The following DNAJC8 variants were observed in gnomAD, a reference collection of about 807,000 sequenced individuals.
The protein encoded by DNAJC8 is DnaJ heat shock protein family (Hsp40) member C8, also known as dnaJ homolog subfamily C member 8.
In DNAJC8, 24 loss-of-function variants were observed where a neutral mutation model predicts 43.2. The observed-to-expected ratio is 0.56, with a 90% confidence interval of 0.40 to 0.78. The LOEUF is 0.78. Among genes scored for constraint, DNAJC8 ranks in the 30% least tolerant of loss-of-function variants. The pLI, the probability that DNAJC8 is intolerant of heterozygous loss-of-function variation, is 0.00. For missense variants in DNAJC8, 207 were observed against 299.4 expected (o/e 0.69, Z 2.28); for synonymous variants, 83 against 98.0 (o/e 0.85, Z 0.90).
Position 28,200,988 on chromosome 1 carries a change from G to A in DNAJC8, c.*260C>T. 1 of 483,876 alleles carries A rather than the reference G, an allele frequency of 2.1e-6. No individual in the cohort carries two copies. Among genetic ancestry groups the A allele is most frequent in the Admixed American group, 3.4e-5 (1 of 29,424 alleles). 30.0% of individuals were successfully genotyped at this position (483,876 alleles called of 1,614,324 possible). ...CACTGAGTTACAGGCTGTGGGAAGA[G>A]AAGGCAGCACCAATGGTGGCACCTT... On this transcript the variant is annotated 3_prime_UTR_variant, in exon 9 of 9. Transcript: ENST00000263697.
chr1:28,215,764 A>T (rs1417673322), intron 2 of DNAJC8, among the ~76,000 whole-genome samples: 1 of 151,962 alleles, frequency 6.6e-6, no homozygotes, highest in Admixed American at 6.6e-5. Context: ...CTCAAACTCC[A>T]GACTTCAGGT....
At chr1:28,220,627 G>A (rs138336098) in intron 2 of DNAJC8, among the ~76,000 whole-genome samples, 77 of 152,296 alleles carry the variant, frequency 5.1e-4, no homozygotes, top group African/African-American at 1.8e-3. Context: ...TGAGGGCAGA[G>A]ACCTAATCAC....
chr1:28,215,524 T>C (rs189950220), intron 2 of DNAJC8, among the ~76,000 whole-genome samples: 1 of 151,582 alleles, frequency 6.6e-6, no homozygotes, highest in East Asian at 1.9e-4. Context: ...GTAGGGCCAA[T>C]AGGAGGAACA....
At chr1:28,212,766 A>G (rs1418061989) in intron 3 of DNAJC8, among the ~76,000 whole-genome samples, 1 of 152,220 alleles carries the variant, frequency 6.6e-6, no homozygotes, top group Admixed American at 6.5e-5. Flanking sequence ...TCCGTTCAGC[A>G]TTACTGGAAC....
At chr1:28,207,731 T>C (rs1646779495) in intron 6 of DNAJC8, among the ~76,000 whole-genome samples, 1 of 144,254 alleles carries the variant, frequency 6.9e-6, no homozygotes, top group Non-Finnish European at 1.5e-5. Flanking sequence ...CGTGAGCCAC[T>C]GCGCCCAGCC....
intron 6 of DNAJC8, among the ~76,000 whole-genome samples, chr1:28,207,909 T>A (rs904831071): frequency 2.0e-5 from 3 of 151,574 alleles, no homozygotes; most frequent in South Asian, 2.1e-4. Flanking sequence ...TACAAAAAAA[T>A]TAGCCAGAGG....
At chr1:28,227,117 T>C (rs1183190970) in intron 2 of DNAJC8, among the ~76,000 whole-genome samples, 7 of 142,904 alleles carry the variant, frequency 4.9e-5, no homozygotes, top group African/African-American at 1.8e-4. Context: ...TTTTTTTTTT[T>C]TTTTTTTTTG....
chr1:28,221,666 C>A (rs1425339566), intron 2 of DNAJC8, among the ~76,000 whole-genome samples: 2 of 152,118 alleles, frequency 1.3e-5, no homozygotes, highest in African/African-American at 4.8e-5. Flanking sequence ...TGGTACTATG[C>A]TCGATTTTAA....
chr1:28,212,178 T>A (rs1245441987), intron 3 of DNAJC8, among the ~76,000 whole-genome samples: 1,490 of 39,844 alleles, frequency 0.037, 102 homozygotes, highest in African/African-American at 0.13. Flanking sequence ...AATATATATA[T>A]ATATATATAT....
intron 2 of DNAJC8, among the ~76,000 whole-genome samples, chr1:28,224,059 G>A (rs1057315993): frequency 8.5e-5 from 13 of 152,168 alleles, no homozygotes; most frequent in Admixed American, 2.0e-4. Flanking sequence ...GAGCTAGATT[G>A]AAAGGTAACC....
intron 3 of DNAJC8, among the ~76,000 whole-genome samples, chr1:28,212,307 C>A (rs1279939556): frequency 8.1e-6 from 1 of 123,380 alleles, no homozygotes; most frequent in Non-Finnish European, 1.6e-5. Flanking sequence ...CAGAGTGTTG[C>A]TCTATCATCC....
chr1:28,229,701 G>A lies in DNAJC8; in HGVS notation c.79-678C>T, dbSNP rs557153948. On this transcript the variant is annotated intron_variant, in intron 1 of 8. Transcript: ENST00000263697. ...AGGCAGGAGAATCGCTTGAACCCCA[G>A]GGACAGAGGTTGCAGTGAGCCAAGA... Among the ~76,000 whole-genome samples the A allele has an allele frequency of 3.9e-5, 6 of 152,048 alleles. 1 individual carries two copies. Among genetic ancestry groups the A allele is most frequent in the African/African-American group, 1.4e-4 (6 of 41,458 alleles).
At chr1:28,207,142 C>T (rs1300362669) in intron 6 of DNAJC8, among the ~76,000 whole-genome samples, 1 of 151,790 alleles carries the variant, frequency 6.6e-6, no homozygotes, top group Non-Finnish European at 1.5e-5. Context: ...CTTTGGGAGG[C>T]CGAGGAGGGC....
intron 2 of DNAJC8, among the ~76,000 whole-genome samples, chr1:28,226,052 T>C (rs1337480827): frequency 6.6e-6 from 1 of 150,852 alleles, no homozygotes; most frequent in South Asian, 2.1e-4. Flanking sequence ...TAAAAAAAAG[T>C]GAGGGGAGTT....
chr1:28,212,168 AATATATATATATAT>A (rs201782610), intron 3 of DNAJC8, among the ~76,000 whole-genome samples: 478 of 31,020 alleles, frequency 0.015, 10 homozygotes, highest in Non-Finnish European at 0.026. Flanking sequence ...TAAATAAATA[AATATATATATATAT>A]ATATATATAT....
chr1:28,200,814 C>A lies in DNAJC8; in HGVS notation c.*434G>T. On this transcript the variant is annotated 3_prime_UTR_variant, in exon 9 of 9. Transcript: ENST00000263697. ...CGAAGGGAGCACACCCAGAAGCGAG[C>A]AACTGAAGCGAAGGGGCTTCCTAAG... 1 of 369,450 alleles carries A rather than the reference C, an allele frequency of 2.7e-6. No homozygotes were observed. 22.9% of individuals were successfully genotyped at this position (369,450 alleles called of 1,614,324 possible).
At position 28,209,987 on chromosome 1, in the gene DNAJC8, T is replaced by G; in HGVS notation, c.384A>C (p.Glu128Asp). The G allele has an allele frequency of 6.2e-7, 1 of 1,614,016 alleles. No individual in the cohort carries two copies. Among genetic ancestry groups the G allele is most frequent in the East Asian group, 2.2e-5 (1 of 44,876 alleles). The stretch of plus-strand genomic sequence containing the variant: ...AAATACTTACAGTGTGTTCCACGTA[T>G]TCTTTTCCTGCCTGAATTACATCCA... ...RALDVIQAGK[E>D]YVEHTVKERK... The change falls in exon 5 of 9, where the codon GAA becomes GAC. Residue 128 changes from glutamate (E) to aspartate (D), a missense_variant. Physicochemically the swap from Glu to Asp is conservative, Grantham distance 45. This residue lies in a region of DNAJC8 where 159 missense variants were observed against 267.5 expected (regional missense o/e 0.59). Transcript: ENST00000263697.
At chr1:28,230,494 G>A (rs1017638927) in intron 1 of DNAJC8, among the ~76,000 whole-genome samples, 1 of 152,182 alleles carries the variant, frequency 6.6e-6, no homozygotes, top group Non-Finnish European at 1.5e-5. Context: ...GAGGCAGGAG[G>A]ATCACTTGGG....
intron 2 of DNAJC8, among the ~76,000 whole-genome samples, chr1:28,216,031 G>T (rs1646851513): frequency 6.6e-6 from 1 of 151,744 alleles, no homozygotes. Context: ...CATGCCTGGT[G>T]ACTTTTTAAA....
Sources: gnomAD v4.1 joint callset for allele counts (sites outside exome capture counted in the v4.1 genomes callset) on GRCh38, gnomAD v4.1.1 for gene constraint, gnomAD v4.1.1 regional missense constraint, MANE v1.5 for transcripts, NCBI Gene and HGNC (gene_info 2026-07-23, HGNC 2026-07-21) for gene names.